Variants in CNTNAP2 observed in about 807,000 individuals in gnomAD.
The protein encoded by CNTNAP2 is contactin-associated protein-like 2.
A neutral mutation model predicts 155.2 loss-of-function variants in CNTNAP2; 98 were observed. The ratio of observed to expected loss-of-function variants is 0.63; its 90% confidence interval spans 0.54 to 0.75. The LOEUF (loss-of-function observed/expected upper bound fraction) is 0.75. Ranked by LOEUF, CNTNAP2 falls within the 30% of genes least tolerant of loss-of-function variation. The pLI, the probability that CNTNAP2 is intolerant of heterozygous loss-of-function variation, is 0.00. For synonymous variants in CNTNAP2, 651 were observed against 631.2 expected (o/e 1.03, Z -0.47); for missense variants, 1,727 against 1,688.1 (o/e 1.02, Z -0.40).
intron 1 of CNTNAP2, chr7:146,208,710 C>A (rs554783151): frequency 6.6e-6 from 1 of 152,168 alleles, no homozygotes; most frequent in Admixed American, 6.5e-5. Context: ...TATTTATTCA[C>A]TCCTGGAACA....
chr7:146,529,448 A>G (rs1797736547), intron 1 of CNTNAP2, among the ~76,000 whole-genome samples: 1 of 152,180 alleles, frequency 6.6e-6, no homozygotes, highest in African/African-American at 2.4e-5. Flanking sequence ...ATGATACTCT[A>G]GGGTGATAAT....
At chr7:148,351,769 G>GAAAAAAAAAAAA (rs1798431962) in intron 21 of CNTNAP2, among the ~76,000 whole-genome samples, 4 of 136,298 alleles carry the variant, frequency 2.9e-5, no homozygotes, top group East Asian at 2.1e-4. Flanking sequence ...AATAGAAACC[G>GAAAAAAAAAAAA]AGACTCACAG....
intron 1 of CNTNAP2, among the ~76,000 whole-genome samples, chr7:146,769,073 C>A (rs921323339): frequency 1.3e-5 from 2 of 152,194 alleles, no homozygotes; most frequent in African/African-American, 4.8e-5. Context: ...ATTCATATAG[C>A]TAGTCTGCCT....
intron 21 of CNTNAP2, among the ~76,000 whole-genome samples, chr7:148,309,442 C>G (rs1797552776): frequency 6.6e-6 from 1 of 152,206 alleles, no homozygotes; most frequent in Non-Finnish European, 1.5e-5. Flanking sequence ...GAAGAGACCA[C>G]CAAACAGGCT....
At chr7:148,114,678 C>G (rs1804427469) in intron 15 of CNTNAP2, among the ~76,000 whole-genome samples, 1 of 152,172 alleles carries the variant, frequency 6.6e-6, no homozygotes, top group Non-Finnish European at 1.5e-5. Flanking sequence ...GGAGCAGAAG[C>G]ATCCATGATT....
At chr7:146,906,298 C>A (rs1352959329) in intron 3 of CNTNAP2, among the ~76,000 whole-genome samples, 1 of 152,196 alleles carries the variant, frequency 6.6e-6, no homozygotes, top group Non-Finnish European at 1.5e-5. Flanking sequence ...GTGGAGCCCA[C>A]CACAGCTCAA....
intron 3 of CNTNAP2, among the ~76,000 whole-genome samples, chr7:146,981,227 C>G (rs1798010983): frequency 6.6e-6 from 1 of 152,104 alleles, no homozygotes; most frequent in Non-Finnish European, 1.5e-5. Flanking sequence ...TAATTTGTGT[C>G]TGCTCCCAAA....
At chr7:147,712,917 CCT>C (rs774054480) in intron 13 of CNTNAP2, among the ~76,000 whole-genome samples, 13 of 152,176 alleles carry the variant, frequency 8.5e-5, no homozygotes, top group East Asian at 1.9e-4. Flanking sequence ...TTAAAAATCC[CCT>C]GTCAGTCCTC....
chr7:148,154,218 G>T (rs542167417), intron 17 of CNTNAP2, among the ~76,000 whole-genome samples: 4 of 152,244 alleles, frequency 2.6e-5, no homozygotes, highest in African/African-American at 9.6e-5. Flanking sequence ...AAGGCACGCT[G>T]TCTTCAGGAG....
intron 1 of CNTNAP2, among the ~76,000 whole-genome samples, chr7:146,604,949 A>G (rs1799019259): frequency 7.6e-6 from 1 of 131,610 alleles, no homozygotes; most frequent in Non-Finnish European, 1.6e-5. Flanking sequence ...GGGGAGGGAT[A>G]GCATTGGGAG....
intron 10 of CNTNAP2, among the ~76,000 whole-genome samples, chr7:147,441,292 T>A (rs751936545): frequency 5.3e-5 from 8 of 152,256 alleles, no homozygotes; most frequent in South Asian, 2.1e-4. Flanking sequence ...GCTCCAGAAT[T>A]TCTGCTTAAC....
At chr7:147,072,705 C>A (rs1799916847) in intron 4 of CNTNAP2, among the ~76,000 whole-genome samples, 1 of 151,990 alleles carries the variant, frequency 6.6e-6, no homozygotes, top group Non-Finnish European at 1.5e-5. Flanking sequence ...TCTGGTTTTA[C>A]CTGGTATTGG....
At chr7:147,003,043 G>A (rs895407587) in intron 3 of CNTNAP2, among the ~76,000 whole-genome samples, 37 of 151,298 alleles carry the variant, frequency 2.4e-4, no homozygotes, top group African/African-American at 9.0e-4. Context: ...TGTATCTCTA[G>A]CATTATGAGG....
At chr7:147,124,241 A>G (rs564169624) in intron 6 of CNTNAP2, among the ~76,000 whole-genome samples, 1 of 152,314 alleles carries the variant, frequency 6.6e-6, no homozygotes, top group South Asian at 2.1e-4. Context: ...CTTTGGCCTA[A>G]AGGAAGAGAA....
At chr7:147,057,478 T>A (rs1444117972) in intron 4 of CNTNAP2, among the ~76,000 whole-genome samples, 1 of 152,230 alleles carries the variant, frequency 6.6e-6, no homozygotes, top group African/African-American at 2.4e-5. Context: ...TAAAGTTTTG[T>A]CAGTAGGGAT....
At chr7:147,219,869 G>T (rs570999673) in intron 8 of CNTNAP2, among the ~76,000 whole-genome samples, 2 of 151,906 alleles carry the variant, frequency 1.3e-5, no homozygotes, top group African/African-American at 2.4e-5. Context: ...TCCGCCTCCC[G>T]GGTTCACGCC....
chr7:146,933,426 C>G (rs1170133524), intron 3 of CNTNAP2, among the ~76,000 whole-genome samples: 2 of 151,412 alleles, frequency 1.3e-5, no homozygotes, highest in Non-Finnish European at 2.9e-5. Context: ...ATACCTTATA[C>G]AAAAATTAAT....
chr7:148,218,605 C>T (rs1477617346), intron 19 of CNTNAP2, among the ~76,000 whole-genome samples: 1 of 151,990 alleles, frequency 6.6e-6, no homozygotes, highest in Admixed American at 6.6e-5. Context: ...TGTTGCCAGG[C>T]CTGGTCTTGA....
At chr7:148,217,181 C>T in intron 18 of CNTNAP2, 107 bp from the exon 19 acceptor site, 1 of 1,051,376 alleles carries the variant, frequency 9.5e-7, no homozygotes, top group Non-Finnish European at 1.5e-6. Flanking sequence ...CTCAGATGCC[C>T]TTCCTGGAGC....
Sources: allele counts gnomAD v4.1 joint callset (sites outside exome capture counted in the v4.1 genomes callset), GRCh38; gene constraint gnomAD v4.1.1; transcripts MANE v1.5; gene names NCBI Gene and HGNC (gene_info 2026-07-23, HGNC 2026-07-21).